PSMD1: variants seen among roughly 807,000 people sequenced by gnomAD.
The protein encoded by PSMD1 is 26S proteasome non-ATPase regulatory subunit 1.
A neutral mutation model predicts 119.0 loss-of-function variants in PSMD1; 18 were observed. The ratio of observed to expected loss-of-function variants is 0.15; its 90% CI spans 0.10 to 0.22. PSMD1 has a LOEUF of 0.22. PSMD1 is among the 10% of genes least tolerant of loss of function. The probability of loss-of-function intolerance (pLI) is 1.00; values close to 1 mark genes in which losing one functional copy is unlikely to be tolerated. For synonymous variants in PSMD1, 374 were observed against 396.6 expected (o/e 0.94, Z 0.68); for missense variants, 702 against 1,158.5 (o/e 0.61, Z 5.72).
intron 16 of PSMD1, among the ~76,000 whole-genome samples, chr2:231,090,655 G>A (rs943787476): frequency 1.3e-5 from 2 of 152,208 alleles, no homozygotes; most frequent in African/African-American, 4.8e-5. Flanking sequence ...CTGGAAAGCA[G>A]TCACCATTCC....
chr2:231,172,167 G>C (rs1226415698), intron 24 of PSMD1, among the ~76,000 whole-genome samples: 1 of 152,188 alleles, frequency 6.6e-6, no homozygotes, highest in Non-Finnish European at 1.5e-5. Context: ...GCACAGTACA[G>C]CGTAGGCTAT....
chr2:231,088,931 A>T (rs1694519012), intron 16 of PSMD1, among the ~76,000 whole-genome samples: 1 of 152,204 alleles, frequency 6.6e-6, no homozygotes, highest in Non-Finnish European at 1.5e-5. Context: ...TCTTGGAGAA[A>T]ATTAACAGTG....
chr2:231,080,714 G>C (rs1694288974), intron 12 of PSMD1, among the ~76,000 whole-genome samples: 1 of 152,114 alleles, frequency 6.6e-6, no homozygotes, highest in Non-Finnish European at 1.5e-5. Flanking sequence ...TTTTGGAAAA[G>C]CTTACTAAGT....
intron 17 of PSMD1, among the ~76,000 whole-genome samples, chr2:231,139,900 T>G (rs1222006650): frequency 6.6e-6 from 1 of 152,210 alleles, no homozygotes; most frequent in Non-Finnish European, 1.5e-5. Context: ...TAAAGAAATG[T>G]GCTATTGCAT....
intron 9 of PSMD1, among the ~76,000 whole-genome samples, chr2:231,077,749 A>G (rs1559221207): frequency 6.6e-6 from 1 of 152,186 alleles, no homozygotes; most frequent in Non-Finnish European, 1.5e-5. Flanking sequence ...AACATGAAAA[A>G]TCTTCCTTCT....
chr2:231,110,224 G>C (rs187036547), intron 16 of PSMD1, among the ~76,000 whole-genome samples: 24 of 152,008 alleles, frequency 1.6e-4, no homozygotes, highest in Admixed American at 1.4e-3. Flanking sequence ...GGAGGCTAAG[G>C]TGGGAGAATC....
intron 23 of PSMD1, among the ~76,000 whole-genome samples, chr2:231,169,275 A>G (rs1341602299): frequency 6.6e-6 from 1 of 152,234 alleles, no homozygotes; most frequent in East Asian, 1.9e-4. Flanking sequence ...TCCAAAAAAT[A>G]GAAAGTCCTC....
intron 22 of PSMD1, 50 bp from the exon 23 acceptor site, chr2:231,165,821 T>C: frequency 6.9e-7 from 1 of 1,447,178 alleles, no homozygotes; most frequent in East Asian, 2.5e-5. Flanking sequence ...CTCAGTTCTG[T>C]GGAACAGAAA....
At chr2:231,100,008 T>C (rs1274267616) in intron 16 of PSMD1, among the ~76,000 whole-genome samples, 1 of 152,146 alleles carries the variant, frequency 6.6e-6, no homozygotes, top group African/African-American at 2.4e-5. Flanking sequence ...TTTTATTTTT[T>C]TCTGCGTTGC....
chr2:231,117,352 A>G (rs901228986), intron 16 of PSMD1, among the ~76,000 whole-genome samples: 1 of 152,124 alleles, frequency 6.6e-6, no homozygotes, highest in African/African-American at 2.4e-5. Flanking sequence ...AAATGGAAAG[A>G]AAGAAATGTG....
chr2:231,161,104 C>A (rs937529809), intron 19 of PSMD1, among the ~76,000 whole-genome samples: 1 of 151,794 alleles, frequency 6.6e-6, no homozygotes, highest in East Asian at 1.9e-4. Context: ...CCTAGCTACT[C>A]GGGAGGCTAA....
chr2:231,123,298 A>G, intron 16 of PSMD1: 1 of 812,696 alleles, frequency 1.2e-6, no homozygotes, highest in South Asian at 1.4e-5. Context: ...CGTATCTTTA[A>G]ATAGTCCAAG....
intron 16 of PSMD1, among the ~76,000 whole-genome samples, chr2:231,121,971 C>G (rs1054892173): frequency 5.0e-4 from 65 of 130,770 alleles, no homozygotes; most frequent in African/African-American, 1.8e-3. Context: ...TATGCCTGTA[C>G]AGTATTTATC....
chr2:231,058,577 G>A (rs992965075), intron 1 of PSMD1, among the ~76,000 whole-genome samples: 2 of 146,706 alleles, frequency 1.4e-5, no homozygotes, highest in African/African-American at 5.1e-5. Context: ...TTTTATGTAT[G>A]CCCCAAGATA....
intron 17 of PSMD1, among the ~76,000 whole-genome samples, chr2:231,139,294 G>A (rs555170927): frequency 4.1e-5 from 6 of 147,682 alleles, no homozygotes; most frequent in East Asian, 4.0e-4. Context: ...ATGAGCCACC[G>A]CACCAGGCTT....
intron 16 of PSMD1, chr2:231,109,424 A>G (rs1695081957): frequency 6.2e-7 from 1 of 1,611,338 alleles, no homozygotes; most frequent in South Asian, 1.1e-5. Context: ...GGAAGAGGAA[A>G]ACAAGATAAA....
At chr2:231,073,814 A>G (rs1241982581) in intron 7 of PSMD1, among the ~76,000 whole-genome samples, 1 of 152,032 alleles carries the variant, frequency 6.6e-6, no homozygotes, top group Non-Finnish European at 1.5e-5. Flanking sequence ...GTATATAGAA[A>G]TATAATTGAT....
At chr2:231,133,787 T>C (rs1695906086) in intron 16 of PSMD1, among the ~76,000 whole-genome samples, 1 of 152,226 alleles carries the variant, frequency 6.6e-6, no homozygotes, top group African/African-American at 2.4e-5. Flanking sequence ...TTATTAGTGA[T>C]TTAATGTTGA....
At chr2:231,137,993 C>A (rs1009596104) in intron 16 of PSMD1, among the ~76,000 whole-genome samples, 5 of 152,158 alleles carry the variant, frequency 3.3e-5, no homozygotes, top group Non-Finnish European at 7.3e-5. Context: ...GTAACCAGTA[C>A]CCAATTCAAG....
Sources: allele counts gnomAD v4.1 joint callset (sites outside exome capture counted in the v4.1 genomes callset), GRCh38; gene constraint gnomAD v4.1.1; transcripts MANE v1.5; gene names NCBI Gene and HGNC (gene_info 2026-07-23, HGNC 2026-07-21).